ZFHX3: variants seen among roughly 807,000 people sequenced by gnomAD.
The protein encoded by ZFHX3 is zinc finger homeobox protein 3.
In ZFHX3, 42 loss-of-function variants were observed where a neutral mutation model predicts 279.1. The observed-to-expected ratio is 0.15, with a 90% CI of 0.12 to 0.19. The LOEUF is 0.19. Ranked by LOEUF, ZFHX3 falls within the 10% of genes least tolerant of loss-of-function variation. The probability of loss-of-function intolerance (pLI) is 1.00; values close to 1 mark genes in which losing one functional copy is unlikely to be tolerated. For synonymous variants in ZFHX3, 2,293 were observed against 1,957.8 expected, an observed-to-expected ratio of 1.17 and a Z score of -4.52; for missense variants, 4,981 against 4,754.0, an observed-to-expected ratio of 1.05 and a Z score of -1.40.
At chr16:73,332,017 G>A (rs2015814621) in intron 3 of ZFHX3, among the ~76,000 whole-genome samples, 1 of 152,180 alleles carries the variant, frequency 6.6e-6, no homozygotes, top group Non-Finnish European at 1.5e-5. Context: ...TCTTACCCAT[G>A]TTCAACTCCA....
rs753492357 is a variant in ZFHX3, at chr16:72,783,660, G to C, written c.*3504C>G. 3 of 152,094 alleles carry C rather than the reference G, an allele frequency of 2.0e-5. No homozygotes were observed. The highest frequency in any genetic ancestry group is 2.9e-5 in the Non-Finnish European group (2 of 68,002). The allele number at this position is 152,094 out of a possible 1,614,324, so 9.4% of individuals were successfully genotyped here. A position where few individuals can be genotyped will look rare whatever the true frequency, so the allele number is the denominator to read the frequency against. On this transcript the variant is annotated 3_prime_UTR_variant, in exon 10 of 10. Coordinates refer to ENST00000268489, the MANE Select transcript of ZFHX3 (RefSeq NM_006885.4). ...GTGGTTTTTGGAAGGATGGAGGAAA[G>C]ATGGATGAAATAACTCCCATTCTGT...
At chr16:73,656,220 T>G (rs1362792186) in intron 2 of ZFHX3, among the ~76,000 whole-genome samples, 1 of 152,228 alleles carries the variant, frequency 6.6e-6, no homozygotes, top group East Asian at 1.9e-4. Flanking sequence ...GCCACAGAAA[T>G]CATGTGGTCC....
intron 3 of ZFHX3, among the ~76,000 whole-genome samples, chr16:73,364,880 C>A (rs1187909144): frequency 1.3e-5 from 2 of 152,172 alleles, no homozygotes; most frequent in Non-Finnish European, 2.9e-5. Context: ...GCTTCCTGTG[C>A]CCCATTTCCC....
intron 3 of ZFHX3, chr16:73,421,497 A>G (rs1486452942): frequency 6.6e-6 from 1 of 152,238 alleles, no homozygotes; most frequent in Non-Finnish European, 1.5e-5. Flanking sequence ...AATTACATAA[A>G]TATCTTTAGG....
chr16:72,922,286 A>T (rs112015002), intron 3 of ZFHX3, among the ~76,000 whole-genome samples: 61 of 152,232 alleles, frequency 4.0e-4, no homozygotes, highest in African/African-American at 1.4e-3. Context: ...TTCTGCACTC[A>T]GCTGAAGGAG....
At chr16:73,547,553 A>G (rs1197369540) in intron 2 of ZFHX3, among the ~76,000 whole-genome samples, 2 of 152,122 alleles carry the variant, frequency 1.3e-5, no homozygotes, top group African/African-American at 4.8e-5. Context: ...GGTTTCAACC[A>G]TGGATGGGGG....
chr16:73,399,033 A>ATTTTTTTT (rs531100796), intron 3 of ZFHX3, among the ~76,000 whole-genome samples: 1 of 139,556 alleles, frequency 7.2e-6, no homozygotes, highest in Non-Finnish European at 1.5e-5. Flanking sequence ...CCCCCCGCTA[A>ATTTTTTTT]TTTTTTTTTT....
At chr16:73,489,235 A>T (rs747460978) in intron 2 of ZFHX3, among the ~76,000 whole-genome samples, 43 of 152,204 alleles carry the variant, frequency 2.8e-4, no homozygotes, top group Non-Finnish European at 5.7e-4. Context: ...TATGTTTGGC[A>T]TTCTAATGTA....
At chr16:73,104,634 T>C (rs1381727537) in intron 7 of ZFHX3, among the ~76,000 whole-genome samples, 1 of 152,188 alleles carries the variant, frequency 6.6e-6, no homozygotes, top group Non-Finnish European at 1.5e-5. Context: ...TGAGGCTGGT[T>C]CATAGTTCAC....
At chr16:73,501,139 T>A (rs2019232718) in intron 2 of ZFHX3, among the ~76,000 whole-genome samples, 1 of 152,238 alleles carries the variant, frequency 6.6e-6, no homozygotes. Flanking sequence ...TAAATGCCTA[T>A]AGTATTCACT....
intron 3 of ZFHX3, among the ~76,000 whole-genome samples, chr16:72,920,934 T>A (rs2039567987): frequency 6.6e-6 from 1 of 151,826 alleles, no homozygotes; most frequent in East Asian, 1.9e-4. Context: ...TAGCCAGGCA[T>A]GGTGGTGTAT....
chr16:73,051,312 A>C (rs1356574873), upstream of ZFHX3, among the ~76,000 whole-genome samples: 1 of 152,246 alleles, frequency 6.6e-6, no homozygotes, highest in Non-Finnish European at 1.5e-5. Context: ...AACCATTTGG[A>C]GCTGAATTGG....
chr16:73,616,856 C>A (rs574082201), intron 2 of ZFHX3, among the ~76,000 whole-genome samples: 2 of 152,072 alleles, frequency 1.3e-5, no homozygotes, highest in African/African-American at 4.8e-5. Flanking sequence ...AAGAGGAAGG[C>A]GATAAGTTAA....
chr16:73,487,308 T>C (rs1001938002), intron 2 of ZFHX3: 3 of 326,918 alleles, frequency 9.2e-6, no homozygotes, highest in Admixed American at 4.3e-5. Flanking sequence ...CGCTGTAGGG[T>C]GCAGTTACTC....
At chr16:73,438,842 G>A (rs1289571859) in intron 3 of ZFHX3, among the ~76,000 whole-genome samples, 1 of 152,192 alleles carries the variant, frequency 6.6e-6, no homozygotes, top group Non-Finnish European at 1.5e-5. Context: ...CCTAGAGAGT[G>A]ACAGTGTTTT....
At position 73,105,406 on chromosome 16, in the gene ZFHX3, T is replaced by TACACACAC. The variant is rs1567389833; in HGVS notation, c.-896-11809_-896-11808insGTGTGTGT. On this transcript the variant is annotated intron_variant, in intron 7 of 17. Coordinates refer to the ZFHX3 transcript ENST00000641206. ...ATACACACACACACATATATATATA[T>TACACACAC]ATACACACACACATATATATATATA... Among the ~76,000 whole-genome samples, 29 of 131,696 alleles carry TACACACAC rather than the reference T, an allele frequency of 2.2e-4. 1 individual carries two copies. Among genetic ancestry groups the TACACACAC allele is most frequent in the Middle Eastern group, 3.9e-3 (1 of 258 alleles). The allele number at this position is 131,696 out of a possible 152,430, so 86.4% of individuals were successfully genotyped here.
At chr16:73,774,442 G>C (rs1276620331) in intron 1 of ZFHX3, among the ~76,000 whole-genome samples, 2 of 152,152 alleles carry the variant, frequency 1.3e-5, no homozygotes, top group Admixed American at 1.3e-4. Flanking sequence ...CAGGACCCCA[G>C]AGTTGGGTGT....
chr16:73,417,925 C>A lies in ZFHX3; in HGVS notation c.-1291+38078G>T, dbSNP rs996765509. On this transcript the variant is annotated intron_variant, in intron 3 of 17. Transcript: ENST00000641206. ...AATGGCGTGAACCCAGGAGGCGGAG[C>A]TTGCAGTGAGCTGAGATCGCGCCAC... Among the ~76,000 whole-genome samples, 47 of 134,568 alleles carry A rather than the reference C, an allele frequency of 3.5e-4. 1 individual carries two copies. Among genetic ancestry groups the A allele is most frequent in the African/African-American group, 1.3e-3 (46 of 35,346 alleles). The allele number at this position is 134,568 out of a possible 152,430, so 88.3% of individuals were successfully genotyped here. A position where few individuals can be genotyped will look rare whatever the true frequency, so the allele number is the denominator to read the frequency against.
At chr16:73,751,776 C>A (rs1236580884) in intron 1 of ZFHX3, among the ~76,000 whole-genome samples, 1 of 152,138 alleles carries the variant, frequency 6.6e-6, no homozygotes, top group Non-Finnish European at 1.5e-5. Context: ...TCCAAATGCA[C>A]CCATCTAGCT....
Sources: allele counts gnomAD v4.1 joint callset (sites outside exome capture counted in the v4.1 genomes callset), GRCh38; gene constraint gnomAD v4.1.1; transcripts MANE v1.5; gene names NCBI Gene and HGNC (gene_info 2026-07-23, HGNC 2026-07-21).